Variants in TUB observed in about 807,000 individuals in gnomAD.
TUB encodes tubby protein homolog.
A neutral mutation model predicts 59.7 loss-of-function variants in TUB; 33 were observed. The ratio of observed to expected loss-of-function variants is 0.55; its 90% CI spans 0.42 to 0.74. The LOEUF (loss-of-function observed/expected upper bound fraction) is 0.74. TUB is among the 30% of genes least tolerant of loss of function. The pLI, the probability that TUB is intolerant of heterozygous loss-of-function variation, is 0.00. For missense variants in TUB, 659 were observed against 672.0 expected, an observed-to-expected ratio of 0.98 and a Z score of 0.21; for synonymous variants, 293 against 256.4, an observed-to-expected ratio of 1.14 and a Z score of -1.36.
chr11:8,066,254 G>T (rs1943240750), intron 2 of TUB, among the ~76,000 whole-genome samples: 1 of 152,218 alleles, frequency 6.6e-6, no homozygotes, highest in South Asian at 2.1e-4. Context: ...GGTTCCACTT[G>T]GCACACAGCA....
In TUB at chr11:8,097,092, A is replaced by G. The variant is rs143225616; in HGVS notation, c.688-136A>G. 4,400 of 978,710 alleles carry G rather than the reference A, an allele frequency of 4.5e-3. 114 individuals carry two copies. The African/African-American group carries it at 0.062, about 14-fold the overall frequency. The allele number at this position is 978,710 out of a possible 1,614,324, so 60.6% of individuals were successfully genotyped here. A position where few individuals can be genotyped will look rare whatever the true frequency, so the allele number is the denominator to read the frequency against. On this transcript the variant is annotated intron_variant, in intron 6 of 11. Coordinates refer to ENST00000299506, the MANE Select transcript of TUB (RefSeq NM_177972.3). ...GAAGATAGCTTCTGACCCCAGGCCC[A>G]GGCTGGCCAGGCCCCAATCCCAGGA... is the stretch of plus-strand genomic sequence containing the variant.
chr11:8,090,230 A>G lies in TUB; in HGVS notation c.252A>G (p.Gln84=). The change falls in exon 3 of 12, where the codon CAA becomes CAG. Residue 84 remains glutamine, a splice_region_variant and synonymous_variant. Transcript: ENST00000299506. The part of the protein sequence containing the change: ...YLSSSGSTSY[Q]VQEADSLASV... ...GCAGCAGTGGCAGCACCAGCTACCA[A>G]GGTATACCTTGCCTGCTGCCCCACA... The G allele has an allele frequency of 6.2e-7, 1 of 1,613,174 alleles. No homozygotes were observed. Among genetic ancestry groups the G allele is most frequent in the Non-Finnish European group, 8.5e-7 (1 of 1,179,712 alleles).
At chr11:8,053,906 G>C (rs1290974381) in intron 2 of TUB, among the ~76,000 whole-genome samples, 1 of 150,062 alleles carries the variant, frequency 6.7e-6, no homozygotes, top group African/African-American at 2.4e-5. Context: ...AAGAGGTCAG[G>C]AGATCGAGAC....
chr11:8,037,460 A>G (rs1464883988), upstream of TUB, among the ~76,000 whole-genome samples: 2 of 152,188 alleles, frequency 1.3e-5, no homozygotes, highest in African/African-American at 2.4e-5. Context: ...TGCTTAGCAG[A>G]TGAGGGGTCT....
At chr11:8,021,234 G>A (rs1437102798) in intron 1 of TUB, among the ~76,000 whole-genome samples, 1 of 152,104 alleles carries the variant, frequency 6.6e-6, no homozygotes, top group East Asian at 1.9e-4. Flanking sequence ...AAGCTGAGGT[G>A]GGCAGATCAC....
intron 2 of TUB, among the ~76,000 whole-genome samples, chr11:8,062,784 G>A (rs1943157755): frequency 6.6e-6 from 1 of 152,038 alleles, no homozygotes; most frequent in East Asian, 1.9e-4. Flanking sequence ...GGGTGATTCT[G>A]ACAGGCTGCA....
intron 3 of TUB, among the ~76,000 whole-genome samples, chr11:8,092,776 T>C (rs904459047): frequency 7.9e-5 from 12 of 152,130 alleles, no homozygotes; most frequent in Admixed American, 4.6e-4. Flanking sequence ...ACCCAGGAAC[T>C]GGTGTTTCCA....
chr11:8,027,162 C>T (rs541431083), intron 1 of TUB, among the ~76,000 whole-genome samples: 1 of 152,212 alleles, frequency 6.6e-6, no homozygotes, highest in African/African-American at 2.4e-5. Flanking sequence ...TATACAAGTC[C>T]GTGGCATCAG....
At chr11:8,085,162 G>A (rs572902401) in intron 1 of TUB, among the ~76,000 whole-genome samples, 8 of 152,290 alleles carry the variant, frequency 5.3e-5, no homozygotes, top group Non-Finnish European at 1.0e-4. Context: ...GCCTTATAAC[G>A]ACTCCCTGAT....
At position 8,100,848 on chromosome 11, in the gene TUB, G is replaced by A. The variant is rs768751129; in HGVS notation, c.1238G>A (p.Arg413His). 77 of 1,614,002 alleles carry A rather than the reference G, an allele frequency of 4.8e-5. No homozygotes were observed. The highest frequency in any genetic ancestry group is 1.6e-4 in the Middle Eastern group (1 of 6,080). Residue 413 changes from arginine to histidine, a missense_variant, in exon 11 of 12, where the codon CGC (arginine) becomes CAC (histidine). By Grantham distance (29) the Arg-to-His change is conservative. Around this residue, in one of 3 missense-constraint regions of TUB, gnomAD observed 226 missense variants for 210.8 expected, o/e 1.07. Transcript: ENST00000299506. ...PRNEHETLLA[R>H]WQNKNTESII... ...CAGGAGCATGAGACACTGCTAGCACGCTGGCAGAATAAGAACACGGAGAGT... is the reference window on the plus strand; with the variant it reads ...CAGGAGCATGAGACACTGCTAGCACACTGGCAGAATAAGAACACGGAGAGT...
chr11:8,040,379 C>A (rs1406094), intron 2 of TUB, among the ~76,000 whole-genome samples: 26,367 of 152,064 alleles, frequency 0.17, 2,896 homozygotes, highest in East Asian at 0.55. Context: ...GTCTGCTGGG[C>A]GTCCCCAACA....
At chr11:8,024,946 T>C (rs1249989341) in intron 1 of TUB, among the ~76,000 whole-genome samples, 1 of 152,236 alleles carries the variant, frequency 6.6e-6, no homozygotes, top group African/African-American at 2.4e-5. Context: ...TTATTGCTTA[T>C]ATGGCTTTAG....
intron 4 of TUB, among the ~76,000 whole-genome samples, chr11:8,095,219 G>T (rs1943933726): frequency 6.6e-6 from 1 of 152,144 alleles, no homozygotes; most frequent in Non-Finnish European, 1.5e-5. Flanking sequence ...AGTTGGTTTT[G>T]TAGATGGCTG....
At chr11:8,067,183 C>T (rs988126585) in intron 2 of TUB, among the ~76,000 whole-genome samples, 1 of 152,192 alleles carries the variant, frequency 6.6e-6, no homozygotes, top group Non-Finnish European at 1.5e-5. Context: ...GGCTCCCCAC[C>T]TCCTCCAGCA....
upstream of TUB, among the ~76,000 whole-genome samples, chr11:8,078,076 G>A (rs753827519): frequency 6.6e-6 from 1 of 152,084 alleles, no homozygotes; most frequent in Non-Finnish European, 1.5e-5. Flanking sequence ...ACTCCATATA[G>A]GTGGCTAAGT....
chr11:8,055,298 C>T (rs1000068592), intron 2 of TUB, among the ~76,000 whole-genome samples: 1 of 152,140 alleles, frequency 6.6e-6, no homozygotes, highest in Non-Finnish European at 1.5e-5. Flanking sequence ...TGGCGCATAC[C>T]TCACCATTGC....
At chr11:8,091,238 C>T (rs1000094466) in intron 3 of TUB, among the ~76,000 whole-genome samples, 14 of 152,152 alleles carry the variant, frequency 9.2e-5, no homozygotes, top group African/African-American at 3.1e-4. Context: ...GCTCCCTGAG[C>T]CCTTTGTCTG....
intron 2 of TUB, among the ~76,000 whole-genome samples, chr11:8,054,224 C>G (rs1201612796): frequency 6.6e-6 from 1 of 152,222 alleles, no homozygotes; most frequent in Non-Finnish European, 1.5e-5. Flanking sequence ...GGTTATTAAT[C>G]TAATCAACTT....
chr11:8,055,912 A>C (rs1943011752), intron 2 of TUB, among the ~76,000 whole-genome samples: 1 of 152,170 alleles, frequency 6.6e-6, no homozygotes, highest in African/African-American at 2.4e-5. Context: ...TCCCTGTGAC[A>C]GGGGAGCCTG....
Sources: allele counts gnomAD v4.1 joint callset (sites outside exome capture counted in the v4.1 genomes callset), GRCh38; gene constraint gnomAD v4.1.1; regional missense constraint gnomAD v4.1.1; transcripts MANE v1.5; gene names NCBI Gene and HGNC (gene_info 2026-07-23, HGNC 2026-07-21).